Variants in THOC6 observed in about 807,000 individuals in gnomAD.
THOC6 encodes the protein THO complex subunit 6.
A neutral mutation model predicts 55.8 loss-of-function variants in THOC6; 39 were observed. That is an observed-to-expected ratio of 0.70 (90% CI 0.54 to 0.91). The LOEUF (loss-of-function observed/expected upper bound fraction) is 0.91. THOC6 is among the 40% of genes least tolerant of loss of function. The pLI, the probability that THOC6 is intolerant of heterozygous loss-of-function variation, is 0.00. For missense variants in THOC6, 482 were observed against 442.0 expected (o/e 1.09, Z -0.81); for synonymous variants, 192 against 175.6 (o/e 1.09, Z -0.74).
chr16:3,024,729 G>C (rs1304413977), intron 1 of THOC6, among the ~76,000 whole-genome samples: 1 of 148,864 alleles, frequency 6.7e-6, no homozygotes, highest in African/African-American at 2.5e-5. Context: ...CCGCCTCCCA[G>C]GTTCAAGCGA....
At position 3,026,548 on chromosome 16, in the gene THOC6, T is replaced by G; in HGVS notation, c.444T>G (p.Cys148Trp). The change falls in exon 7 of 13, where the codon TGT (cysteine) becomes TGG (tryptophan). Residue 148 changes from cysteine (C) to tryptophan (W), a missense_variant. Physicochemically the swap from Cys to Trp is radical, Grantham distance 215. Coordinates refer to ENST00000326266, the MANE Select transcript of THOC6 (RefSeq NM_024339.5). ...CCCTCATCCTGGCTGGGGGAGACTGTCAGTTGCACACTATGGACCTTGAAA... is the reference window on the plus strand; with the variant it reads ...CCCTCATCCTGGCTGGGGGAGACTGGCAGTTGCACACTATGGACCTTGAAA... ...ENSLILAGGDCQLHTMDLETG... is the reference protein window; with the variant it reads ...ENSLILAGGDWQLHTMDLETG... The G allele has an allele frequency of 1.2e-6, 2 of 1,614,124 alleles. No homozygotes were observed. The highest frequency in any genetic ancestry group is 2.7e-5 in the African/African-American group (2 of 75,028).
chr16:3,025,863 G>A, intron 2 of THOC6, 40 bp downstream of exon 2: 1 of 1,614,124 alleles, frequency 6.2e-7, no homozygotes, highest in Non-Finnish European at 8.5e-7. Context: ...CCTGGCACTT[G>A]GCCCTCATGG....
chr16:3,024,218 C>A lies in THOC6; in HGVS notation c.-109C>A. On this transcript the variant is annotated 5_prime_UTR_variant, in exon 1 of 13. Transcript: ENST00000326266. ...GGTTCGGGACGGTACGCACCAGCCA[C>A]CTTCGCGCCGAAGGCGGTAGGGCGC... is the stretch of plus-strand genomic sequence containing the variant. The A allele has an allele frequency of 7.0e-7, 1 of 1,428,742 alleles. No individual in the cohort carries two copies. The highest frequency in any genetic ancestry group is 9.8e-7 in the Non-Finnish European group (1 of 1,025,390). The allele number at this position is 1,428,742 out of a possible 1,614,324, so 88.5% of individuals were successfully genotyped here. A position where few individuals can be genotyped will look rare whatever the true frequency, so the allele number is the denominator to read the frequency against.
At position 3,025,633 on chromosome 16, in the gene THOC6, G is replaced by A. The variant is rs2072766158; in HGVS notation, c.40-75G>A. On this transcript the variant is annotated intron_variant, in intron 1 of 12. Transcript: ENST00000326266. ...ACAGTGGGAGGCCTGGCAGGTTTTG[G>A]GGGAAGCAGGGAGGAATCTGTGGAT... 6 of 1,431,104 alleles carry A rather than the reference G, an allele frequency of 4.2e-6. No homozygotes were observed. The Middle Eastern group carries it at 5.4e-4, about 128-fold the overall frequency. The allele number at this position is 1,431,104 out of a possible 1,614,324, so 88.7% of individuals were successfully genotyped here.
At chr16:3,025,620 C>T in intron 1 of THOC6, 88 bp from the exon 2 acceptor site, 2 of 1,268,148 alleles carry the variant, frequency 1.6e-6, no homozygotes, top group Non-Finnish European at 2.3e-6. Flanking sequence ...AGTGGGAGGC[C>T]TGGCAGGTTT....
At chr16:3,025,116 A>C (rs1596475537) in intron 1 of THOC6, among the ~76,000 whole-genome samples, 2 of 145,632 alleles carry the variant, frequency 1.4e-5, no homozygotes, top group African/African-American at 2.6e-5. Context: ...CTAATTTTGC[A>C]TTTTTAGCAG....
Position 3,024,204 on chromosome 16 carries a change from G to A in THOC6, c.-123G>A, listed in dbSNP as rs2072717583. On this transcript the variant is annotated 5_prime_UTR_variant, in exon 1 of 13. Coordinates refer to ENST00000326266, the MANE Select transcript of THOC6 (RefSeq NM_024339.5). The stretch of plus-strand genomic sequence containing the variant: ...ACCTCGGCTCCTAGGGTTCGGGACG[G>A]TACGCACCAGCCACCTTCGCGCCGA... 5.6e-6 allele frequency: 7 copies of A among 1,255,424 alleles called. No individual in the cohort carries two copies. Among genetic ancestry groups the A allele is most frequent in the African/African-American group, 3.0e-5 (2 of 67,598 alleles). The allele number at this position is 1,255,424 out of a possible 1,614,324, so 77.8% of individuals were successfully genotyped here. A position where few individuals can be genotyped will look rare whatever the true frequency, so the allele number is the denominator to read the frequency against.
intron 1 of THOC6, among the ~76,000 whole-genome samples, chr16:3,024,780 G>A (rs527413896): frequency 2.0e-5 from 3 of 147,260 alleles, no homozygotes; most frequent in Non-Finnish European, 4.5e-5. Context: ...GACTATAGGC[G>A]TGTGCCACCA....
rs373776503 is a variant in THOC6, at chr16:3,025,999, C to G, written c.220+11C>G. On this transcript the variant is annotated intron_variant, in intron 3 of 12. Transcript: ENST00000326266. The stretch of plus-strand genomic sequence containing the variant: ...TGGTGACTTTCCAAGGTGGGTATAC[C>G]TGTGGAGTCTGGCTTCAGGACTTTG... 4.3e-5 allele frequency: 69 copies of G among 1,614,080 alleles called. No individual in the cohort carries two copies. The African/African-American group carries it at 8.5e-4, about 20-fold the overall frequency.
chr16:3,024,102 G>T lies in THOC6; in HGVS notation c.-225G>T. On this transcript the variant is annotated 5_prime_UTR_variant, in exon 1 of 13. Transcript: ENST00000326266. ...GTGGCGGAAGGCAGGCTTGCTCCTC[G>T]GGGTGGGGGAGGGTATCCGGCTTAA... 1.4e-6 allele frequency: 1 copy of T among 719,488 alleles called. No homozygotes were observed. The highest frequency in any genetic ancestry group is 2.7e-5 in the East Asian group (1 of 36,894). 44.6% of individuals were successfully genotyped at this position (719,488 alleles called of 1,614,324 possible).
rs2151132777 is a variant in THOC6 at position 3,024,431 on chromosome 16, G to A, written c.39+66G>A. 6 of 1,598,558 alleles carry A rather than the reference G, an allele frequency of 3.8e-6. No individual in the cohort carries two copies. The South Asian group carries it at 5.5e-5, about 15-fold the overall frequency. On this transcript the variant is annotated intron_variant, in intron 1 of 12. Transcript: ENST00000326266. ...GTTCACGCATGGCTGGGACGGGGCG[G>A]GCAGGGAATCGTGCCCTGAGCCCTG... is the stretch of plus-strand genomic sequence containing the variant.
At position 3,027,388 on chromosome 16, in the gene THOC6, G is replaced by T; in HGVS notation, c.833G>T (p.Arg278Leu). The T allele has an allele frequency of 1.2e-6, 2 of 1,612,600 alleles. No homozygotes were observed. Among genetic ancestry groups the T allele is most frequent in the Non-Finnish European group, 8.5e-7 (1 of 1,179,372 alleles). The part of the protein sequence containing the change: ...QDLILSAGQG[R>L]CVNQWQLSGE... ...CAGATTCTGTCAGCTGGCCAGGGCC[G>T]CTGCGTCAACCAGTGGCAGCTGAGC... The change falls in exon 12 of 13, where the codon CGC becomes CTC. Residue 278 changes from arginine (R) to leucine (L), a missense_variant. By Grantham distance (102) the Arg-to-Leu change is moderately radical. Transcript: ENST00000326266.
chr16:3,024,252 G>T lies in THOC6; in HGVS notation c.-75G>T. 1 of 1,596,148 alleles carries T rather than the reference G, an allele frequency of 6.3e-7. No homozygotes were observed. Among genetic ancestry groups the T allele is most frequent in the Non-Finnish European group, 8.6e-7 (1 of 1,165,258 alleles). ...CGAAGGCGGTAGGGCGCCACGGAGA[G>T]GAACCGCTCTAGGCACGTAAGGCCT... On this transcript the variant is annotated 5_prime_UTR_variant, in exon 1 of 13. The change creates a new upstream start codon in the 5' untranslated region. Transcript: ENST00000326266.
chr16:3,027,037 C>T lies in THOC6; in HGVS notation c.663C>T (p.Arg221=). 1.2e-6 allele frequency: 2 copies of T among 1,614,224 alleles called. No individual in the cohort carries two copies. The highest frequency in any genetic ancestry group is 2.2e-5 in the East Asian group (1 of 44,888). The change falls in exon 10 of 13, where the codon CGC becomes CGT. Residue 221 remains arginine, a synonymous_variant. Transcript: ENST00000326266. ...AGTGCTCGAGGCCCCACAATGGGCG[C>T]TGGATTGGATGTTTGGCAACTGATT... ...HEECSRPHNG[R]WIGCLATDSD...
chr16:3,027,071 A>C lies in THOC6; in HGVS notation c.697A>C (p.Met233Leu), dbSNP rs764962699. 1 of 1,614,134 alleles carries C rather than the reference A, an allele frequency of 6.2e-7. No individual in the cohort carries two copies. Among genetic ancestry groups the C allele is most frequent in the East Asian group, 2.2e-5 (1 of 44,886 alleles). Residue 233 changes from methionine to leucine, a missense_variant and splice_region_variant, in exon 10 of 13, where the codon ATG becomes CTG. Coordinates refer to ENST00000326266, the MANE Select transcript of THOC6 (RefSeq NM_024339.5). ...ATGTTTGGCAACTGATTCCGACTGG[A>C]TGGTGAGCTGGGCAGACTGTGGGAT... ...IGCLATDSDW[M>L]VCGGGPALTL...
rs529320665 is a variant in THOC6 at position 3,024,500 on chromosome 16, G to T, written c.39+135G>T. 58 of 1,090,514 alleles carry T rather than the reference G, an allele frequency of 5.3e-5. No homozygotes were observed. In the South Asian group the frequency reaches 6.9e-4, roughly 13 times the overall value. The allele number at this position is 1,090,514 out of a possible 1,614,324, so 67.6% of individuals were successfully genotyped here. A position where few individuals can be genotyped will look rare whatever the true frequency, so the allele number is the denominator to read the frequency against. On this transcript the variant is annotated intron_variant, in intron 1 of 12. Transcript: ENST00000326266. Reference sequence around the variant, plus strand: ...TGGGACTCAGACTCTGACCAGGGGGGCGGGATAGTAACCCAGAAGTGCTTC... The same window carrying T: ...TGGGACTCAGACTCTGACCAGGGGGTCGGGATAGTAACCCAGAAGTGCTTC...
In THOC6 at chr16:3,026,582, T is replaced by A; in HGVS notation, c.478T>A (p.Phe160Ile). The change falls in exon 7 of 13, where the codon TTC (phenylalanine) becomes ATC (isoleucine). Residue 160 changes from phenylalanine to isoleucine, a missense_variant. Coordinates refer to ENST00000326266, the MANE Select transcript of THOC6 (RefSeq NM_024339.5). ...LHTMDLETGT[F>I]TRVLRGHTDY... ...CACTATGGACCTTGAAACTGGGACT[T>A]TCACGGTGAGCAGGGTCCTGGAGCC... 6.2e-7 allele frequency: 1 copy of A among 1,613,994 alleles called. No individual in the cohort carries two copies. The highest frequency in any genetic ancestry group is 8.5e-7 in the Non-Finnish European group (1 of 1,179,970).
chr16:3,026,324 G>A (rs1596477429), intron 5 of THOC6, 36 bp downstream of exon 5: 1 of 1,614,122 alleles, frequency 6.2e-7, no homozygotes, highest in Non-Finnish European at 8.5e-7. Context: ...GTGCATCAGG[G>A]TGAAGCCACT....
rs752799846 is a variant in THOC6 at position 3,025,733 on chromosome 16, G to A, written c.65G>A (p.Arg22Gln). The change falls in exon 2 of 13, where the codon CGG becomes CAG. Residue 22 changes from arginine (R) to glutamine (Q), a missense_variant. By Grantham distance (43) the Arg-to-Gln change is conservative. Transcript: ENST00000326266. ...GQTEVFQALQ[R>Q]LHMTIFSQSV... Reference sequence around the variant, plus strand: ...ACAGAGGTGTTCCAGGCCTTGCAGCGGCTCCATATGACCATCTTCTCCCAG... The same window carrying A: ...ACAGAGGTGTTCCAGGCCTTGCAGCAGCTCCATATGACCATCTTCTCCCAG... The A allele has an allele frequency of 1.1e-5, 18 of 1,614,078 alleles. No individual in the cohort carries two copies. Among genetic ancestry groups the A allele is most frequent in the Non-Finnish European group, 1.4e-5 (17 of 1,179,978 alleles).
Sources: allele counts gnomAD v4.1 joint callset (sites outside exome capture counted in the v4.1 genomes callset), GRCh38; gene constraint gnomAD v4.1.1; transcripts MANE v1.5; gene names NCBI Gene and HGNC (gene_info 2026-07-23, HGNC 2026-07-21).